The following STK11 variants were observed in gnomAD, a reference collection of about 807,000 sequenced individuals.
STK11 encodes the protein serine/threonine-protein kinase STK11.
A neutral mutation model predicts 47.3 loss-of-function variants in STK11; 8 were observed. That is an observed-to-expected ratio of 0.17 (90% CI 0.10 to 0.31). The LOEUF is 0.31. STK11 is among the 10% of genes least tolerant of loss of function. STK11 has a pLI of 1.00. For missense variants in STK11, 475 were observed against 605.0 expected (o/e 0.79, Z 2.25); for synonymous variants, 330 against 255.8 (o/e 1.29, Z -2.77).
At chr19:1,225,518 C>G (rs112183881) in intron 8 of STK11, 25,789 of 980,612 alleles carry the variant, frequency 0.026, 377 homozygotes, top group Middle Eastern at 0.031. Flanking sequence ...ATCTGCCCAC[C>G]TCGGCCTCCC....
In STK11 at chr19:1,206,705, A is replaced by C. The variant is rs2080667662; in HGVS notation, c.-209A>C. ...GTGCCCGCCGGTCCGCAGACCCTGCACCGGGCTTGGACTCGCAGCCGGGAC... is the reference window on the plus strand; with the variant it reads ...GTGCCCGCCGGTCCGCAGACCCTGCCCCGGGCTTGGACTCGCAGCCGGGAC... On this transcript the variant is annotated 5_prime_UTR_variant, in exon 1 of 10. Transcript: ENST00000326873. The C allele has an allele frequency of 1.5e-6, 1 of 687,092 alleles. No homozygotes were observed. The allele number at this position is 687,092 out of a possible 1,614,324, so 42.6% of individuals were successfully genotyped here.
rs774759899 is a variant in STK11, at chr19:1,226,536, G to A, written c.1191G>A (p.Ala397=). 1.4e-5 allele frequency: 23 copies of A among 1,606,262 alleles called. No individual in the cohort carries two copies. In the East Asian group the frequency reaches 2.2e-4, roughly 16 times the overall value. The change falls in exon 9 of 10, where the codon GCG becomes GCA. Residue 397 remains alanine (A), a synonymous_variant. Coordinates refer to ENST00000326873, the MANE Select transcript of STK11 (RefSeq NM_000455.5). ...PKAVCMNGTE[A]AQLSTKSRAE... ...CCGTGTGTATGAACGGCACAGAGGCGGCGCAGCTGAGCACCAAATCCAGGG... is the reference window on the plus strand; with the variant it reads ...CCGTGTGTATGAACGGCACAGAGGCAGCGCAGCTGAGCACCAAATCCAGGG...
intron 5 of STK11, 126 bp from the exon 6 acceptor site, chr19:1,221,087 C>G: frequency 7.3e-7 from 1 of 1,378,722 alleles, no homozygotes; most frequent in Admixed American, 2.2e-5. Flanking sequence ...CAGAGGTGTC[C>G]TTGAGTCCAC....
At chr19:1,212,072 A>G (rs980112143) in intron 1 of STK11, among the ~76,000 whole-genome samples, 4 of 151,958 alleles carry the variant, frequency 2.6e-5, no homozygotes, top group Admixed American at 2.0e-4. Flanking sequence ...AGCGGGGGTA[A>G]TGGGTCCACT....
At chr19:1,221,420 G>C (rs920978333) in intron 6 of STK11, 80 bp downstream of exon 6, 10 of 1,478,326 alleles carry the variant, frequency 6.8e-6, no homozygotes, top group South Asian at 6.6e-5. Context: ...GGTGTCAGGT[G>C]GGGGGCTATT....
rs956854343 is a variant in STK11, at chr19:1,226,792, C to T, written c.*16+129C>T. On this transcript the variant is annotated intron_variant, in intron 9 of 9. Transcript: ENST00000326873. ...TGGCTGCGCGTGGTTGCCATGTGGC[C>T]TTTGGGTGGCTTGGCCACGTAGCGA... 1.2e-5 allele frequency: 14 copies of T among 1,185,958 alleles called. No homozygotes were observed. The Admixed American group carries it at 4.1e-4, about 34-fold the overall frequency. The allele number at this position is 1,185,958 out of a possible 1,614,324, so 73.5% of individuals were successfully genotyped here.
chr19:1,209,295 C>CT (rs1599917660), intron 1 of STK11, among the ~76,000 whole-genome samples: 1 of 152,088 alleles, frequency 6.6e-6, no homozygotes, highest in Non-Finnish European at 1.5e-5. Context: ...GAAACCCACG[C>CT]TTAGGGGCCG....
At chr19:1,216,175 G>C (rs1467340562) in intron 1 of STK11, 1 of 159,352 alleles carries the variant, frequency 6.3e-6, no homozygotes, top group African/African-American at 2.4e-5. Context: ...ACATTCACAC[G>C]GCTGTGCAAC....
At chr19:1,220,848 G>A in intron 5 of STK11, 131 bp downstream of exon 5, 1 of 1,373,548 alleles carries the variant, frequency 7.3e-7, no homozygotes, top group Non-Finnish European at 9.8e-7. Flanking sequence ...CAGCCGCTAG[G>A]GGGTGCTTAC....
At position 1,228,053 on chromosome 19, in the gene STK11, TTTTTTC is replaced by T. The variant is rs1403867425; in HGVS notation, c.*483_*488del. ...TTTTGTTTGGTTGGTTCCATTTTCT[TTTTTTC>T]TTTTTTTTTTTAAGAAAAAATAAAA... On this transcript the variant is annotated 3_prime_UTR_variant, in exon 10 of 10. Transcript: ENST00000326873. 5.6e-6 allele frequency: 6 copies of T among 1,065,334 alleles called. No homozygotes were observed. Among genetic ancestry groups the T allele is most frequent in the Non-Finnish European group, 6.8e-6 (6 of 879,406 alleles). The allele number at this position is 1,065,334 out of a possible 1,614,324, so 66.0% of individuals were successfully genotyped here.
In STK11 at chr19:1,221,320, C is replaced by A. The variant is rs121913322; in HGVS notation, c.842C>A (p.Pro281Gln). ...SYAIPGDCGP[P>Q]LSDLLKGMLE... is the part of the protein sequence containing the mutation. The stretch of plus-strand genomic sequence containing the variant: ...GCCATCCCGGGCGACTGTGGCCCCC[C>A]GCTCTCTGACCTGCTGAAAGGTGGG... Residue 281 changes from proline (P) to glutamine (Q), a missense_variant, in exon 6 of 10, where the codon CCG becomes CAG. Pro to Gln is a moderately conservative substitution (Grantham distance 76). Coordinates refer to ENST00000326873, the MANE Select transcript of STK11 (RefSeq NM_000455.5). 28 of 1,609,256 alleles carry A rather than the reference C, an allele frequency of 1.7e-5. No individual in the cohort carries two copies. The highest frequency in any genetic ancestry group is 8.4e-5 in the Admixed American group (5 of 59,592).
intron 8 of STK11, chr19:1,224,501 A>G: frequency 3.0e-6 from 3 of 985,464 alleles, no homozygotes; most frequent in Non-Finnish European, 3.6e-6. Context: ...GCAGCCAGGC[A>G]AATCCCAGGC....
At position 1,207,082 on chromosome 19, in the gene STK11, G is replaced by T. The variant is rs137854584; in HGVS notation, c.169G>T (p.Glu57Ter). Reference protein sequence around the residue: ...GKYLMGDLLGEGSYGKVKEVL... With the variant: ...GKYLMGDLLG ...GTACCTGATGGGGGACCTGCTGGGGGAAGGCTCTTACGGCAAGGTGAAGGA... is the reference window on the plus strand; with the variant it reads ...GTACCTGATGGGGGACCTGCTGGGGTAAGGCTCTTACGGCAAGGTGAAGGA... The change falls in exon 1 of 10, where the codon GAA becomes TAA. Residue 57 changes from glutamate (E) to a stop codon, truncating the protein, a stop_gained. Coordinates refer to ENST00000326873, the MANE Select transcript of STK11 (RefSeq NM_000455.5). LOFTEE classifies it high-confidence loss of function. The T allele has an allele frequency of 6.2e-7, 1 of 1,613,956 alleles. No individual in the cohort carries two copies. Among genetic ancestry groups the T allele is most frequent in the Non-Finnish European group, 8.5e-7 (1 of 1,179,892 alleles).
intron 1 of STK11, among the ~76,000 whole-genome samples, chr19:1,212,483 C>T (rs2080718237): frequency 6.6e-6 from 1 of 152,102 alleles, no homozygotes; most frequent in Admixed American, 6.5e-5. Context: ...AACTCCTAGA[C>T]TCAAGCTATC....
At position 1,219,317 on chromosome 19, in the gene STK11, G is replaced by T. The variant is rs587781176; in HGVS notation, c.375-7G>T. On this transcript the variant is annotated splice_region_variant and splice_polypyrimidine_tract_variant and intron_variant, in intron 2 of 9. Coordinates refer to ENST00000326873, the MANE Select transcript of STK11 (RefSeq NM_000455.5). ...GCCCCCTGAGCTGTGTGTCCTTAGC[G>T]CCCCACGTATATGGTGATGGAGTAC... The T allele has an allele frequency of 1.3e-6, 2 of 1,578,546 alleles. No homozygotes were observed. The highest frequency in any genetic ancestry group is 2.3e-5 in the South Asian group (2 of 85,912).
chr19:1,220,797 G>A, intron 5 of STK11, 80 bp downstream of exon 5: 1 of 1,526,224 alleles, frequency 6.6e-7, no homozygotes, highest in Admixed American at 2.0e-5. Flanking sequence ...GCCGGCCTGT[G>A]GGCGCAGGGC....
chr19:1,228,112 G>T lies in STK11; in HGVS notation c.*536G>T. 9.4e-7 allele frequency: 1 copy of T among 1,065,640 alleles called. No individual in the cohort carries two copies. 66.0% of individuals were successfully genotyped at this position (1,065,640 alleles called of 1,614,324 possible). On this transcript the variant is annotated 3_prime_UTR_variant, in exon 10 of 10. Transcript: ENST00000326873. ...TGGATTTGAGCTGTGGCTGTGAGGG[G>T]TGTTTGGGAGCTGCTGGGTGGCAGG...
rs2145424973 is a variant in STK11 at position 1,220,575 on chromosome 19, C to T, written c.598-6C>T. On this transcript the variant is annotated splice_polypyrimidine_tract_variant and splice_region_variant and intron_variant, in intron 4 of 9. Transcript: ENST00000326873. ...ACTCCCTGAGGGCTGCACGGCACCGCCACAGGCACTGCACCCGTTCGCGGC... is the reference window on the plus strand; with the variant it reads ...ACTCCCTGAGGGCTGCACGGCACCGTCACAGGCACTGCACCCGTTCGCGGC... The T allele has an allele frequency of 6.3e-7, 1 of 1,580,160 alleles. No homozygotes were observed. Among genetic ancestry groups the T allele is most frequent in the Non-Finnish European group, 8.6e-7 (1 of 1,162,174 alleles).
intron 1 of STK11, among the ~76,000 whole-genome samples, chr19:1,211,579 G>C (rs1038000768): frequency 6.6e-6 from 1 of 152,246 alleles, no homozygotes; most frequent in African/African-American, 2.4e-5. Flanking sequence ...AGGCACCCAG[G>C]GCTGCCGTGA....
Sources: gnomAD v4.1 joint callset for allele counts (sites outside exome capture counted in the v4.1 genomes callset) on GRCh38, gnomAD v4.1.1 for gene constraint, MANE v1.5 for transcripts, NCBI Gene and HGNC (gene_info 2026-07-23, HGNC 2026-07-21) for gene names.